SLC8A2: variants seen among roughly 807,000 people sequenced by gnomAD.
The protein encoded by SLC8A2 is sodium/calcium exchanger 2.
Under a neutral mutation model 70.2 loss-of-function variants are expected in SLC8A2, and 14 were observed. The ratio of observed to expected loss-of-function variants is 0.20; its 90% CI spans 0.13 to 0.31. The LOEUF is 0.31. Among genes scored for constraint, SLC8A2 ranks in the 10% least tolerant of loss-of-function variants. SLC8A2 has a pLI of 1.00. For missense variants in SLC8A2, 779 were observed against 1,320.1 expected (o/e 0.59, Z 6.35); for synonymous variants, 575 against 594.3 (o/e 0.97, Z 0.47).
In SLC8A2 at chr19:47,468,006, A is replaced by AAAAAC. The variant is rs1369354687; in HGVS notation, c.-16-1592_-16-1588dup. ...GGGCGACAAAACCAGACTCTGCCTCAAAAACAAAACAAAACCAAAAACAAA... is the reference window on the plus strand; with the variant it reads ...GGGCGACAAAACCAGACTCTGCCTCAAAAACAAAACAAAACAAAACCAAAAACAAA... On this transcript the variant is annotated intron_variant, in intron 1 of 9. Transcript: ENST00000236877. This position sits in a 1 kb window ranked among gnomAD's most constrained non-coding sequence, Gnocchi z 5.1. 2.0e-5 allele frequency among the ~76,000 whole-genome samples: 3 copies of AAAAAC among 152,002 alleles called. No homozygotes were observed. The highest frequency in any genetic ancestry group is 4.4e-5 in the Non-Finnish European group (3 of 68,000).
In SLC8A2 at chr19:47,432,121, T is replaced by C. The variant is rs374763524; in HGVS notation, c.2389+46A>G. 10 of 1,539,166 alleles carry C rather than the reference T, an allele frequency of 6.5e-6. No homozygotes were observed. The African/African-American group carries it at 1.1e-4, about 17-fold the overall frequency. ...GGCAGGATCCTGTGTTGCCCCTGCC[T>C]GGCTCATCTGAGATCCTACCCCACC... On this transcript the variant is annotated intron_variant, in intron 9 of 9. Coordinates refer to ENST00000236877, the MANE Select transcript of SLC8A2 (RefSeq NM_015063.3). The surrounding 1 kb of genome is among the most constrained non-coding windows in gnomAD (Gnocchi z 6.2).
At chr19:47,459,334 T>C (rs1447323800) in intron 2 of SLC8A2, among the ~76,000 whole-genome samples, 3 of 152,194 alleles carry the variant, frequency 2.0e-5, no homozygotes, top group African/African-American at 7.2e-5. Context: ...TCTCTCTCCC[T>C]GGCTCCCTCT....
intron 7 of SLC8A2, 21 bp from the exon 8 acceptor site, chr19:47,437,582 G>A: frequency 1.9e-6 from 3 of 1,562,524 alleles, no homozygotes; most frequent in Non-Finnish European, 2.6e-6. Context: ...GAGGGTGGGG[G>A]AGAGGTCACT....
At chr19:47,469,502 C>T (rs1353211717) in intron 1 of SLC8A2, among the ~76,000 whole-genome samples, 2 of 152,184 alleles carry the variant, frequency 1.3e-5, no homozygotes, top group African/African-American at 2.4e-5. Context: ...CCAGGTGATG[C>T]GGGTTCTCAT....
At position 47,469,117 on chromosome 19, in the gene SLC8A2, T is replaced by TGC. The variant is rs1164400872; in HGVS notation, c.-17+2670_-17+2671dup. 4.1e-5 allele frequency among the ~76,000 whole-genome samples: 5 copies of TGC among 120,582 alleles called. No individual in the cohort carries two copies. In the East Asian group the frequency reaches 9.4e-4, roughly 23 times the overall value. 79.1% of individuals were successfully genotyped at this position (120,582 alleles called of 152,430 possible). ...AGAGCAAGCGAGGAGCATGCCTGTG[T>TGC]GCGTGTGTGTGTGTGTGTGTGTGTG... On this transcript the variant is annotated intron_variant, in intron 1 of 9. Coordinates refer to ENST00000236877, the MANE Select transcript of SLC8A2 (RefSeq NM_015063.3).
intron 9 of SLC8A2, among the ~76,000 whole-genome samples, chr19:47,431,847 T>C (rs1177004715): frequency 5.9e-5 from 9 of 151,900 alleles, no homozygotes; most frequent in Admixed American, 5.2e-4. Flanking sequence ...ACCGTCTTCC[T>C]AGGAACCCCT....
Position 47,430,483 on chromosome 19 carries a change from A to T in SLC8A2, c.2390-18T>A, listed in dbSNP as rs778131198. 4 of 1,583,108 alleles carry T rather than the reference A, an allele frequency of 2.5e-6. No individual in the cohort carries two copies. The highest frequency in any genetic ancestry group is 3.4e-6 in the Non-Finnish European group (4 of 1,167,552). The stretch of plus-strand genomic sequence containing the variant: ...GAACGTGTCTGCGAGGCAGAGACAT[A>T]CAGGTCGGAGGGGCTTTGCGCCGCC... On this transcript the variant is annotated intron_variant, in intron 9 of 9. Coordinates refer to ENST00000236877, the MANE Select transcript of SLC8A2 (RefSeq NM_015063.3). This position sits in a 1 kb window ranked among gnomAD's most constrained non-coding sequence, Gnocchi z 5.9.
rs1351650222 is a variant in SLC8A2 at position 47,448,652 on chromosome 19, A to G, written c.1341-421T>C. ...CTGCTTCTCAAACCTTAATATGCAT[A>G]TGAATCCCCTGGTGGAGCTTGTGAA... is the stretch of plus-strand genomic sequence containing the variant. On this transcript the variant is annotated intron_variant, in intron 3 of 9. Transcript: ENST00000236877. The surrounding 1 kb of genome is among the most constrained non-coding windows in gnomAD (Gnocchi z 4.8). Among the ~76,000 whole-genome samples, 1 of 152,170 alleles carries G rather than the reference A, an allele frequency of 6.6e-6. No individual in the cohort carries two copies. Among genetic ancestry groups the G allele is most frequent in the Admixed American group, 6.5e-5 (1 of 15,276 alleles).
At chr19:47,455,882 A>C (rs1288577420) in intron 3 of SLC8A2, among the ~76,000 whole-genome samples, 1 of 152,164 alleles carries the variant, frequency 6.6e-6, no homozygotes, top group Admixed American at 6.6e-5. Flanking sequence ...TGGGGCTGTG[A>C]GATATGGTAG....
intron 4 of SLC8A2, among the ~76,000 whole-genome samples, chr19:47,445,348 A>T (rs2122627355): frequency 6.6e-6 from 1 of 152,064 alleles, no homozygotes; most frequent in Admixed American, 6.5e-5. Flanking sequence ...ACCTCAGATG[A>T]TCCACCCGTG....
rs1300254963 is a variant in SLC8A2, at chr19:47,468,915, T to TAGGA, written c.-16-2497_-16-2496insTCCT. On this transcript the variant is annotated intron_variant, in intron 1 of 9. Transcript: ENST00000236877. This position sits in a 1 kb window ranked among gnomAD's most constrained non-coding sequence, Gnocchi z 5.1. ...AGAGGTGTCCTGGGAACCTCCACCC[T>TAGGA]CCCAGACCCCTCTGCCACCAGCCTC... 1.3e-5 allele frequency among the ~76,000 whole-genome samples: 2 copies of TAGGA among 152,044 alleles called. No individual in the cohort carries two copies. Among genetic ancestry groups the TAGGA allele is most frequent in the Non-Finnish European group, 2.9e-5 (2 of 68,006 alleles).
chr19:47,430,457 C>A lies in SLC8A2; in HGVS notation c.2398G>T (p.Ala800Ser). The change falls in exon 10 of 10, where the codon GCC becomes TCC. Residue 800 changes from alanine (A) to serine (S), a missense_variant. Ala to Ser is a moderately conservative substitution (Grantham distance 99). Around this residue, in one of 6 missense-constraint regions of SLC8A2, gnomAD observed 108 missense variants for 269.6 expected, o/e 0.40. Transcript: ENST00000236877. This position sits in a 1 kb window ranked among gnomAD's most constrained non-coding sequence, Gnocchi z 5.9. ...TCCTGCAGCGCCGCCACCTTGCTGG[C>A]GAACGTGTCTGCGAGGCAGAGACAT... is the stretch of plus-strand genomic sequence containing the variant. ...ALGTSIPDTF[A>S]SKVAALQDQC... The A allele has an allele frequency of 6.2e-7, 1 of 1,601,358 alleles. No individual in the cohort carries two copies. The highest frequency in any genetic ancestry group is 1.7e-5 in the Admixed American group (1 of 59,392).
chr19:47,458,374 C>T (rs1967343454), intron 2 of SLC8A2, among the ~76,000 whole-genome samples: 1 of 149,306 alleles, frequency 6.7e-6, no homozygotes, highest in African/African-American at 2.5e-5. Flanking sequence ...CCCCGTCTCT[C>T]CCCACCTCTT....
At chr19:47,458,696 C>T (rs751555878) in intron 2 of SLC8A2, among the ~76,000 whole-genome samples, 12 of 149,250 alleles carry the variant, frequency 8.0e-5, no homozygotes, top group Non-Finnish European at 5.9e-5. Flanking sequence ...CATGTCTGGA[C>T]GTGTCTCCAT....
At chr19:47,431,393 G>C (rs1231210263) in intron 9 of SLC8A2, among the ~76,000 whole-genome samples, 1 of 150,254 alleles carries the variant, frequency 6.7e-6, no homozygotes, top group Non-Finnish European at 1.5e-5. Flanking sequence ...GCTCACGCCT[G>C]TAATCCCAGC....
intron 2 of SLC8A2, among the ~76,000 whole-genome samples, chr19:47,464,123 C>T (rs187164188): frequency 6.7e-4 from 102 of 152,156 alleles, no homozygotes; most frequent in African/African-American, 2.4e-3. Flanking sequence ...CCTTTTCTTT[C>T]TTTTTTTAGA....
At chr19:47,464,419 C>T (rs1967433208) in intron 2 of SLC8A2, among the ~76,000 whole-genome samples, 1 of 152,164 alleles carries the variant, frequency 6.6e-6, no homozygotes, top group Non-Finnish European at 1.5e-5. Flanking sequence ...GCTTCAAAGG[C>T]CTTTCTGAAA....
chr19:47,465,171 C>G lies in SLC8A2; in HGVS notation c.675+558G>C, dbSNP rs1967442175. Among the ~76,000 whole-genome samples, 1 of 152,072 alleles carries G rather than the reference C, an allele frequency of 6.6e-6. No individual in the cohort carries two copies. Among genetic ancestry groups the G allele is most frequent in the African/African-American group, 2.4e-5 (1 of 41,394 alleles). ...ATGTAGGTATATATCTATGCGAGCC[C>G]ATGGATAAATTATGCAAATTGCACT... On this transcript the variant is annotated intron_variant, in intron 2 of 9. Coordinates refer to ENST00000236877, the MANE Select transcript of SLC8A2 (RefSeq NM_015063.3). The surrounding 1 kb of genome is among the most constrained non-coding windows in gnomAD (Gnocchi z 5.5).
intron 6 of SLC8A2, among the ~76,000 whole-genome samples, chr19:47,440,852 A>G (rs1438519277): frequency 6.6e-6 from 1 of 152,018 alleles, no homozygotes; most frequent in Non-Finnish European, 1.5e-5. Context: ...CGGCCTCCCA[A>G]AGTGCTGGGA....
Sources: allele counts gnomAD v4.1 joint callset (sites outside exome capture counted in the v4.1 genomes callset), GRCh38; gene constraint gnomAD v4.1.1; regional missense constraint gnomAD v4.1.1; non-coding constraint Gnocchi (gnomAD v3.1); transcripts MANE v1.5; gene names NCBI Gene and HGNC (gene_info 2026-07-23, HGNC 2026-07-21).